ARHGAP22: variants seen among roughly 807,000 people sequenced by gnomAD.
ARHGAP22 encodes the protein Rho GTPase activating protein 22, also known as rho GTPase-activating protein 22.
ARHGAP22 carries 48 observed loss-of-function variants against 59.1 expected under a neutral mutation model. That is an observed-to-expected ratio of 0.81 (90% CI 0.64 to 1.03). The LOEUF (loss-of-function observed/expected upper bound fraction) is 1.03, where lower values mean the gene tolerates loss of function less well. ARHGAP22 is among the 50% of genes least tolerant of loss of function. The pLI is 0.00. For missense variants in ARHGAP22, 1,015 were observed against 958.7 expected (o/e 1.06, Z -0.78); for synonymous variants, 445 against 416.4 (o/e 1.07, Z -0.84).
At chr10:48,485,056 A>C (rs1325937511) in intron 3 of ARHGAP22, among the ~76,000 whole-genome samples, 2 of 152,256 alleles carry the variant, frequency 1.3e-5, no homozygotes, top group Non-Finnish European at 2.9e-5. Flanking sequence ...AGCCAAAGAC[A>C]ATATGTTAAC....
intron 2 of ARHGAP22, among the ~76,000 whole-genome samples, chr10:48,581,343 T>G (rs2059107740): frequency 6.6e-6 from 1 of 152,230 alleles, no homozygotes; most frequent in Non-Finnish European, 1.5e-5. Flanking sequence ...GGAAGCTGTG[T>G]CTCCCCAGTT....
intron 7 of ARHGAP22, 30 bp downstream of exon 7, chr10:48,454,058 A>T: frequency 6.2e-7 from 1 of 1,601,724 alleles, no homozygotes; most frequent in Non-Finnish European, 8.6e-7. Context: ...AGTGCAGGAA[A>T]GTGTGGTTCC....
At chr10:48,587,659 C>T (rs2059509538) in intron 1 of ARHGAP22, among the ~76,000 whole-genome samples, 1 of 152,178 alleles carries the variant, frequency 6.6e-6, no homozygotes, top group African/African-American at 2.4e-5. Flanking sequence ...TGTCCTTCCA[C>T]AGATGTTTGC....
chr10:48,500,126 C>A (rs1372492369), intron 3 of ARHGAP22, among the ~76,000 whole-genome samples: 1 of 152,116 alleles, frequency 6.6e-6, no homozygotes, highest in Non-Finnish European at 1.5e-5. Context: ...CTGTTTGAGG[C>A]TAGGAGTTCC....
At chr10:48,570,686 G>C (rs2058342503) in intron 2 of ARHGAP22, among the ~76,000 whole-genome samples, 1 of 152,212 alleles carries the variant, frequency 6.6e-6, no homozygotes, top group African/African-American at 2.4e-5. Flanking sequence ...ATTGAAGTCA[G>C]ACTCTTCAGG....
chr10:48,477,565 A>G (rs1305652873), intron 4 of ARHGAP22, among the ~76,000 whole-genome samples: 2 of 152,174 alleles, frequency 1.3e-5, no homozygotes, highest in Non-Finnish European at 2.9e-5. Flanking sequence ...CACAGCATCA[A>G]CTTCAGCAGA....
chr10:48,491,962 C>A (rs1413210903), intron 3 of ARHGAP22, among the ~76,000 whole-genome samples: 5 of 152,214 alleles, frequency 3.3e-5, no homozygotes, highest in Non-Finnish European at 5.9e-5. Flanking sequence ...AGGTGACCAG[C>A]CCTTTTTGAT....
intron 1 of ARHGAP22, 66 bp downstream of exon 1, chr10:48,604,697 G>A (rs1051330613): frequency 1.9e-6 from 3 of 1,613,312 alleles, no homozygotes; most frequent in Non-Finnish European, 2.5e-6. Flanking sequence ...GGCTGGCCAA[G>A]TGTCCGCGCA....
intron 3 of ARHGAP22, among the ~76,000 whole-genome samples, chr10:48,517,595 G>C (rs60709722): frequency 0.011 from 1,662 of 152,248 alleles, 35 homozygotes; most frequent in African/African-American, 0.038. Flanking sequence ...GGGACTTAGG[G>C]CTTCCTCAGG....
chr10:48,594,729 A>C lies in ARHGAP22; in HGVS notation c.34+10034T>G, dbSNP rs1287180589. ...GTTTATATCATCCACCCCTCGCCCAACTTAGGAGCTTAAAAACCTCTAACC... is the reference window on the plus strand; with the variant it reads ...GTTTATATCATCCACCCCTCGCCCACCTTAGGAGCTTAAAAACCTCTAACC... On this transcript the variant is annotated intron_variant, in intron 1 of 9. Transcript: ENST00000249601. Among the ~76,000 whole-genome samples, 12 of 152,202 alleles carry C rather than the reference A, an allele frequency of 7.9e-5. No individual in the cohort carries two copies. In the East Asian group the frequency reaches 2.1e-3, roughly 27 times the overall value.
chr10:48,502,363 G>A (rs1028910395), intron 3 of ARHGAP22, among the ~76,000 whole-genome samples: 1 of 152,188 alleles, frequency 6.6e-6, no homozygotes, highest in Non-Finnish European at 1.5e-5. Context: ...GGAATGCCCA[G>A]GCACTGCCAA....
chr10:48,483,238 G>C (rs1320626454), intron 3 of ARHGAP22, among the ~76,000 whole-genome samples: 3 of 152,064 alleles, frequency 2.0e-5, no homozygotes, highest in Non-Finnish European at 4.4e-5. Context: ...AATAAACATT[G>C]GGGTACATTA....
At chr10:48,479,888 T>C in intron 3 of ARHGAP22, 124 bp from the exon 4 acceptor site, 1 of 943,524 alleles carries the variant, frequency 1.1e-6, no homozygotes, top group Non-Finnish European at 1.5e-6. Flanking sequence ...ACAGCTGAGC[T>C]TTGCTTTTAT....
upstream of ARHGAP22, among the ~76,000 whole-genome samples, chr10:48,606,337 C>G (rs1240847797): frequency 6.6e-6 from 1 of 152,018 alleles, no homozygotes; most frequent in Non-Finnish European, 1.5e-5. Flanking sequence ...GGGAGGACTG[C>G]AGAGTAAGAA....
intron 3 of ARHGAP22, among the ~76,000 whole-genome samples, chr10:48,524,395 C>T (rs1350218625): frequency 6.6e-6 from 1 of 151,870 alleles, no homozygotes; most frequent in Non-Finnish European, 1.5e-5. Context: ...TGCTCCCTGC[C>T]CTCGCCGGCG....
At chr10:48,638,389 G>C (rs902857603) in intron 1 of ARHGAP22, among the ~76,000 whole-genome samples, 7 of 151,734 alleles carry the variant, frequency 4.6e-5, no homozygotes, top group African/African-American at 1.7e-4. Context: ...CGCGGGCCAG[G>C]AGTGTGTGTG....
chr10:48,455,669 C>A (rs564697988), intron 5 of ARHGAP22, among the ~76,000 whole-genome samples: 1 of 152,224 alleles, frequency 6.6e-6, no homozygotes, highest in African/African-American at 2.4e-5. Flanking sequence ...GCCTGCTCTG[C>A]GGTAGGAACA....
rs73298283 is a variant in ARHGAP22, at chr10:48,550,914, G to C, written c.322+4549C>G. ...TGTGCCACTCTTAGTTATTCTAACA[G>C]TCTCATTAAGGATCTCTCCAATCCT... On this transcript the variant is annotated intron_variant, in intron 3 of 9. Coordinates refer to ENST00000249601, the MANE Select transcript of ARHGAP22 (RefSeq NM_021226.4). Among the ~76,000 whole-genome samples the C allele has an allele frequency of 2.1e-3, 325 of 152,304 alleles. 1 individual carries two copies. Among genetic ancestry groups the C allele is most frequent in the African/African-American group, 7.6e-3 (315 of 41,546 alleles).
chr10:48,580,313 T>A (rs877643), intron 2 of ARHGAP22, among the ~76,000 whole-genome samples: 1 of 151,086 alleles, frequency 6.6e-6, no homozygotes, highest in Non-Finnish European at 1.5e-5. Flanking sequence ...GGGAGAGGAG[T>A]GTCTGGCTCA....
Sources: allele counts gnomAD v4.1 joint callset (sites outside exome capture counted in the v4.1 genomes callset), GRCh38; gene constraint gnomAD v4.1.1; transcripts MANE v1.5; gene names NCBI Gene and HGNC (gene_info 2026-07-23, HGNC 2026-07-21).